MFSD2B: variants seen among roughly 807,000 people sequenced by gnomAD.
MFSD2B encodes the protein sphingosine-1-phosphate transporter MFSD2B.
MFSD2B carries 56 observed loss-of-function variants against 58.4 expected under a neutral mutation model. That is an observed-to-expected ratio of 0.96 (90% CI 0.77 to 1.20). The LOEUF (loss-of-function observed/expected upper bound fraction) is 1.20, where lower values mean the gene tolerates loss of function less well. MFSD2B is among the 50% of genes most tolerant of loss of function. The pLI is 0.00. For synonymous variants in MFSD2B, 287 were observed against 294.4 expected, an observed-to-expected ratio of 0.97 and a Z score of 0.26; for missense variants, 645 against 667.6, an observed-to-expected ratio of 0.97 and a Z score of 0.37.
At position 24,023,639 on chromosome 2, in the gene MFSD2B, G is replaced by A. The variant is rs773412428; in HGVS notation, c.1226G>A (p.Gly409Asp). 2 of 1,613,966 alleles carry A rather than the reference G, an allele frequency of 1.2e-6. No individual in the cohort carries two copies. Among genetic ancestry groups the A allele is most frequent in the South Asian group, 2.2e-5 (2 of 91,090 alleles). Residue 409 changes from glycine (G) to aspartate (D), a missense_variant, in exon 12 of 14, where the codon GGC (glycine) becomes GAC (aspartate). Transcript: ENST00000338315. This position sits in a 1 kb window ranked among gnomAD's most constrained non-coding sequence, Gnocchi z 5.0. ...CAGCTGCAGCACCGTCACGGGCCAG[G>A]CCTGGAGACCATCTTCTACTCCTCC... ...DFQLQHRHGP[G>D]LETIFYSSYV...
chr2:24,015,287 T>A lies in MFSD2B; in HGVS notation c.223-869T>A, dbSNP rs571579730. Among the ~76,000 whole-genome samples the A allele has an allele frequency of 2.4e-4, 36 of 149,466 alleles. No homozygotes were observed. The South Asian group carries it at 3.2e-3, about 13-fold the overall frequency. Reference sequence around the variant, plus strand: ...TCCACCTCCACAAAAAAAAAAAAAATTTAAAAATACAAAAATTAGCTCGGT... The same window carrying A: ...TCCACCTCCACAAAAAAAAAAAAAAATTAAAAATACAAAAATTAGCTCGGT... On this transcript the variant is annotated intron_variant, in intron 2 of 13. Transcript: ENST00000338315.
intron 2 of MFSD2B, among the ~76,000 whole-genome samples, chr2:24,014,855 C>T (rs1417345960): frequency 6.6e-6 from 1 of 152,106 alleles, no homozygotes; most frequent in African/African-American, 2.4e-5. Flanking sequence ...CATGGTGGCT[C>T]ACAGCTGTAA....
rs887091695 is a variant in MFSD2B at position 24,023,781 on chromosome 2, AG to A, written c.1313+58del. ...GCACCAAGGACCAGTGGGCAGGAAG[AG>A]GGCAAAGCCCCTCACCTACCAAGCT... On this transcript the variant is annotated intron_variant, in intron 12 of 13. Coordinates refer to ENST00000338315, the MANE Select transcript of MFSD2B (RefSeq NM_001346880.2). This position sits in a 1 kb window ranked among gnomAD's most constrained non-coding sequence, Gnocchi z 5.0. 40 of 1,592,056 alleles carry A rather than the reference AG, an allele frequency of 2.5e-5. No individual in the cohort carries two copies. The African/African-American group carries it at 4.6e-4, about 18-fold the overall frequency.
At position 24,022,705 on chromosome 2, in the gene MFSD2B, G is replaced by C. The variant is rs1052779047; in HGVS notation, c.979-117G>C. Reference sequence around the variant, plus strand: ...CAGGATTACAACATTCATAGCCACCGGTTTGAACCAGGGGCAAGGCCAAGG... The same window carrying C: ...CAGGATTACAACATTCATAGCCACCCGTTTGAACCAGGGGCAAGGCCAAGG... On this transcript the variant is annotated intron_variant, in intron 9 of 13. Transcript: ENST00000338315. This position sits in a 1 kb window ranked among gnomAD's most constrained non-coding sequence, Gnocchi z 4.5. 3 of 884,294 alleles carry C rather than the reference G, an allele frequency of 3.4e-6. No individual in the cohort carries two copies. The highest frequency in any genetic ancestry group is 2.8e-5 in the Admixed American group (1 of 35,142). The allele number at this position is 884,294 out of a possible 1,614,324, so 54.8% of individuals were successfully genotyped here. A position where few individuals can be genotyped will look rare whatever the true frequency, so the allele number is the denominator to read the frequency against.
Position 24,012,926 on chromosome 2 carries a change from A to T in MFSD2B, c.97-359A>T. 5.4e-6 allele frequency: 1 copy of T among 186,908 alleles called. No individual in the cohort carries two copies. The highest frequency in any genetic ancestry group is 1.1e-5 in the Non-Finnish European group (1 of 90,868). 11.6% of individuals were successfully genotyped at this position (186,908 alleles called of 1,614,324 possible). A position where few individuals can be genotyped will look rare whatever the true frequency, so the allele number is the denominator to read the frequency against. On this transcript the variant is annotated intron_variant, in intron 1 of 13. Coordinates refer to ENST00000338315, the MANE Select transcript of MFSD2B (RefSeq NM_001346880.2). This position sits in a 1 kb window ranked among gnomAD's most constrained non-coding sequence, Gnocchi z 4.5. ...AAAACAGGCTTAGAGAGATGATGTG[A>T]TTTATTCAAGGTCACATAGAGGGGT...
Position 24,017,528 on chromosome 2 carries a change from C to A in MFSD2B, c.621C>A (p.His207Gln), listed in dbSNP as rs769192324. Residue 207 changes from histidine to glutamine, a missense_variant, in exon 6 of 14, where the codon CAC (histidine) becomes CAA (glutamine). His to Gln is a conservative substitution (Grantham distance 24, BLOSUM62 0). Coordinates refer to ENST00000338315, the MANE Select transcript of MFSD2B (RefSeq NM_001346880.2). This position sits in a 1 kb window ranked among gnomAD's most constrained non-coding sequence, Gnocchi z 4.8. ...ACGGGCTCATCGTGTCCGGCGCCCA[C>A]AGACCCCACAGGTGCGAGGCCACTG... ...TVHGLIVSGA[H>Q]RPHRCEATAT... 3 of 1,579,306 alleles carry A rather than the reference C, an allele frequency of 1.9e-6. No homozygotes were observed. In the African/African-American group the frequency reaches 4.0e-5, roughly 21 times the overall value.
Position 24,024,681 on chromosome 2 carries a change from A to G in MFSD2B, c.1490+410A>G, listed in dbSNP as rs1662916936. On this transcript the variant is annotated intron_variant, in intron 13 of 13. Coordinates refer to ENST00000338315, the MANE Select transcript of MFSD2B (RefSeq NM_001346880.2). This position sits in a 1 kb window ranked among gnomAD's most constrained non-coding sequence, Gnocchi z 4.3. ...TGTGGACATTTCCACCTAGTAGCCC[A>G]CAAGCCTGGCACTCAGTCTCGATGA... Among the ~76,000 whole-genome samples the G allele has an allele frequency of 6.6e-6, 1 of 152,030 alleles. No homozygotes were observed. The highest frequency in any genetic ancestry group is 6.6e-5 in the Admixed American group (1 of 15,260).
In MFSD2B at chr2:24,020,429, C is replaced by T. The variant is rs1662731819; in HGVS notation, c.682-1219C>T. Among the ~76,000 whole-genome samples the T allele has an allele frequency of 6.6e-6, 1 of 152,152 alleles. No homozygotes were observed. Among genetic ancestry groups the T allele is most frequent in the Admixed American group, 6.5e-5 (1 of 15,276 alleles). On this transcript the variant is annotated intron_variant, in intron 6 of 13. Coordinates refer to ENST00000338315, the MANE Select transcript of MFSD2B (RefSeq NM_001346880.2). The surrounding 1 kb of genome is among the most constrained non-coding windows in gnomAD (Gnocchi z 4.1). ...GTTGCACAGGATGAGTGCCCTGCCC[C>T]ACCCTGCGCCCTCCCTCTCCTCCCC...
intron 2 of MFSD2B, among the ~76,000 whole-genome samples, chr2:24,013,636 G>A (rs933129694): frequency 1.3e-5 from 2 of 152,124 alleles, no homozygotes; most frequent in African/African-American, 2.4e-5. Context: ...TATAGAAGCA[G>A]TTGGCTAAGT....
chr2:24,017,013 T>A lies in MFSD2B; in HGVS notation c.471+45T>A, dbSNP rs1212275396. ...GGGCCTGTGCTCTGGCGAAGCCCAT[T>A]GCTGGCCATGGCCACTCTGAAGTGT... On this transcript the variant is annotated intron_variant, in intron 4 of 13. Coordinates refer to ENST00000338315, the MANE Select transcript of MFSD2B (RefSeq NM_001346880.2). This position sits in a 1 kb window ranked among gnomAD's most constrained non-coding sequence, Gnocchi z 4.8. 1 of 1,609,212 alleles carries A rather than the reference T, an allele frequency of 6.2e-7. No individual in the cohort carries two copies. The highest frequency in any genetic ancestry group is 2.2e-5 in the East Asian group (1 of 44,886).
rs761441467 is a variant in MFSD2B at position 24,017,482 on chromosome 2, C to A, written c.575C>A (p.Thr192Lys). The stretch of plus-strand genomic sequence containing the variant: ...GGGATGACTGTGGAGATGGCGGGAA[C>A]ACTGATGGGGGCCACTGTCCACGGG... The part of the protein sequence containing the change: ...AYRMTVEMAG[T>K]LMGATVHGLI... Residue 192 changes from threonine (T) to lysine (K), a missense_variant, in exon 6 of 14, where the codon ACA (threonine) becomes AAA (lysine). By Grantham distance (78) the Thr-to-Lys change is moderately conservative. Transcript: ENST00000338315. The surrounding 1 kb of genome is among the most constrained non-coding windows in gnomAD (Gnocchi z 4.8). 1.9e-6 allele frequency: 3 copies of A among 1,600,402 alleles called. No homozygotes were observed. The Admixed American group carries it at 5.1e-5, about 27-fold the overall frequency.
chr2:24,017,279 G>T lies in MFSD2B; in HGVS notation c.472-7G>T. 6.3e-7 allele frequency: 1 copy of T among 1,592,716 alleles called. No homozygotes were observed. Among genetic ancestry groups the T allele is most frequent in the Admixed American group, 1.7e-5 (1 of 57,346 alleles). On this transcript the variant is annotated splice_region_variant and splice_polypyrimidine_tract_variant and intron_variant, in intron 4 of 13. Coordinates refer to ENST00000338315, the MANE Select transcript of MFSD2B (RefSeq NM_001346880.2). This position sits in a 1 kb window ranked among gnomAD's most constrained non-coding sequence, Gnocchi z 4.8. ...GGGGGCGGTTCTAAGCTCTGCCGAC[G>T]CCCCAGTTCTTCCAGGTGCCCTACA...
At position 24,023,063 on chromosome 2, in the gene MFSD2B, C is replaced by T. The variant is rs1662856270; in HGVS notation, c.1060-67C>T. On this transcript the variant is annotated intron_variant, in intron 10 of 13. Transcript: ENST00000338315. The surrounding 1 kb of genome is among the most constrained non-coding windows in gnomAD (Gnocchi z 5.0). ...AAGGCATGGGGGTCGTCAGTCGAGT[C>T]GTGTGTGAAGGAGCAGGCCCCACGA... 5.3e-5 allele frequency: 75 copies of T among 1,422,330 alleles called. No individual in the cohort carries two copies. The highest frequency in any genetic ancestry group is 3.3e-4 in the South Asian group (29 of 86,758). The allele number at this position is 1,422,330 out of a possible 1,614,324, so 88.1% of individuals were successfully genotyped here.
chr2:24,018,849 CTT>C (rs34543246), intron 6 of MFSD2B: 14 of 116,556 alleles, frequency 1.2e-4, no homozygotes, highest in Admixed American at 5.0e-4. Flanking sequence ...GCCTTTTGTG[CTT>C]TTTTTTTTTT....
chr2:24,017,704 C>CT lies in MFSD2B; in HGVS notation c.681+117dup. 1 of 1,105,912 alleles carries CT rather than the reference C, an allele frequency of 9.0e-7. No individual in the cohort carries two copies. Among genetic ancestry groups the CT allele is most frequent in the Non-Finnish European group, 1.3e-6 (1 of 788,348 alleles). 68.5% of individuals were successfully genotyped at this position (1,105,912 alleles called of 1,614,324 possible). ...ACTTTGTTGTCTTTTAGGGGGCTCA[C>CT]TGTGCCCCCTCATTCCTTCCCTGCT... is the stretch of plus-strand genomic sequence containing the variant. On this transcript the variant is annotated intron_variant, in intron 6 of 13. Transcript: ENST00000338315. This position sits in a 1 kb window ranked among gnomAD's most constrained non-coding sequence, Gnocchi z 4.8.
Position 24,021,921 on chromosome 2 carries a change from C to T in MFSD2B, c.845C>T (p.Pro282Leu). Residue 282 changes from proline (P) to leucine (L), a missense_variant, in exon 8 of 14, where the codon CCC becomes CTC. Physicochemically the swap from Pro to Leu is moderately conservative, Grantham distance 98. Coordinates refer to ENST00000338315, the MANE Select transcript of MFSD2B (RefSeq NM_001346880.2). The surrounding 1 kb of genome is among the most constrained non-coding windows in gnomAD (Gnocchi z 5.7). ...CTGAGCCTCACTACCCGGCACCCAC[C>T]CTACCTGAAGCTGGTGATCTCCTTC... is the stretch of plus-strand genomic sequence containing the variant. ...AGLSLTTRHP[P>L]YLKLVISFLF... The T allele has an allele frequency of 6.2e-7, 1 of 1,614,032 alleles. No individual in the cohort carries two copies. The highest frequency in any genetic ancestry group is 8.5e-7 in the Non-Finnish European group (1 of 1,179,870).
In MFSD2B at chr2:24,016,880, A is replaced by T; in HGVS notation, c.383A>T (p.Tyr128Phe). 1 of 1,613,676 alleles carries T rather than the reference A, an allele frequency of 6.2e-7. No individual in the cohort carries two copies. Among genetic ancestry groups the T allele is most frequent in the Non-Finnish European group, 8.5e-7 (1 of 1,179,818 alleles). Reference sequence around the variant, plus strand: ...TGCACCCCCTTCATCGCCCTGGCCTACTTCTTCCTGTGGTTCCTGCCCCCC... The same window carrying T: ...TGCACCCCCTTCATCGCCCTGGCCTTCTTCTTCCTGTGGTTCCTGCCCCCC... ...LGCTPFIALA[Y>F]FFLWFLPPFT... The change falls in exon 4 of 14, where the codon TAC becomes TTC. Residue 128 changes from tyrosine to phenylalanine, a missense_variant. By Grantham distance (22) the Tyr-to-Phe change is conservative (BLOSUM62 3). Coordinates refer to ENST00000338315, the MANE Select transcript of MFSD2B (RefSeq NM_001346880.2).
rs768321869 is a variant in MFSD2B, at chr2:24,022,878, G to T, written c.1035G>T (p.Lys345Asn). 2.5e-6 allele frequency: 4 copies of T among 1,611,236 alleles called. No individual in the cohort carries two copies. The highest frequency in any genetic ancestry group is 3.4e-5 in the Admixed American group (2 of 59,500). The part of the protein sequence containing the change: ...LWEWVLQRFG[K>N]KTSAFGIFAM... ...AGTGGGTTCTCCAGCGCTTTGGGAA[G>T]AAGACGTCAGCCTTTGGGATCTTTG... is the stretch of plus-strand genomic sequence containing the variant. Residue 345 changes from lysine (K) to asparagine (N), a missense_variant, in exon 10 of 14, where the codon AAG becomes AAT. By Grantham distance (94) the Lys-to-Asn change is moderately conservative (BLOSUM62 0). Transcript: ENST00000338315. This position sits in a 1 kb window ranked among gnomAD's most constrained non-coding sequence, Gnocchi z 4.5.
In MFSD2B at chr2:24,025,932, C is replaced by A. The variant is rs977735330; in HGVS notation, c.*476C>A. The A allele has an allele frequency of 1.3e-5, 2 of 156,792 alleles. No individual in the cohort carries two copies. Among genetic ancestry groups the A allele is most frequent in the Admixed American group, 1.2e-4 (2 of 16,040 alleles). 9.7% of individuals were successfully genotyped at this position (156,792 alleles called of 1,614,324 possible). A position where few individuals can be genotyped will look rare whatever the true frequency, so the allele number is the denominator to read the frequency against. ...AGAGACGGGGTTTCACCGTGTTAGC[C>A]AGAATGGTTTCGATCTCCTGACCTC... On this transcript the variant is annotated 3_prime_UTR_variant, in exon 14 of 14. Coordinates refer to ENST00000338315, the MANE Select transcript of MFSD2B (RefSeq NM_001346880.2).
Sources: gnomAD v4.1 joint callset for allele counts (sites outside exome capture counted in the v4.1 genomes callset) on GRCh38, gnomAD v4.1.1 for gene constraint, Gnocchi (gnomAD v3.1) non-coding constraint, MANE v1.5 for transcripts, NCBI Gene and HGNC (gene_info 2026-07-23, HGNC 2026-07-21) for gene names.